The following PUDP variants were observed in gnomAD, a reference collection of about 807,000 sequenced individuals.
PUDP encodes the protein pseudouridine 5'-phosphatase.
In PUDP, 8 loss-of-function variants were observed where a neutral mutation model predicts 9.4. The observed-to-expected ratio is 0.85, with a 90% CI of 0.50 to 1.53. The LOEUF (loss-of-function observed/expected upper bound fraction) is 1.53. Among genes scored for constraint, PUDP ranks in the 40% most tolerant of loss-of-function variants. The pLI, the probability that PUDP is intolerant of heterozygous loss-of-function variation, is 0.00. For synonymous variants in PUDP, 99 were observed against 80.7 expected (o/e 1.23, Z -1.22); for missense variants, 188 against 189.7 (o/e 0.99, Z 0.05).
chrX:7,117,953 A>G lies in PUDP; in HGVS notation c.62-12115T>C, dbSNP rs191137014. Reference sequence around the variant, plus strand: ...CATCCTGGTGCTCTGTAGGCACACAAGCCACACGCCTTAGTGGCTTGCTTT... The same window carrying G: ...CATCCTGGTGCTCTGTAGGCACACAGGCCACACGCCTTAGTGGCTTGCTTT... On this transcript the variant is annotated intron_variant, in intron 1 of 3. Transcript: ENST00000381077. 4.8e-3 allele frequency among the ~76,000 whole-genome samples: 544 copies of G among 113,298 alleles called. 6 individuals are homozygous for G. The highest frequency in any genetic ancestry group is 0.016 in the African/African-American group (508 of 31,245).
At chrX:6,900,853 C>T (rs1389762149) in intron 3 of PUDP, among the ~76,000 whole-genome samples, 2 of 109,356 alleles carry the variant, frequency 1.8e-5, no homozygotes, top group East Asian at 5.7e-4. Context: ...TCTCAGCTCA[C>T]TGCAACTTCT....
intron 3 of PUDP, among the ~76,000 whole-genome samples, chrX:7,067,955 C>T (rs974689908): frequency 9.0e-6 from 1 of 111,502 alleles, no homozygotes; most frequent in Non-Finnish European, 1.9e-5. Context: ...TTGCCCACTG[C>T]CATCCATGTA....
chrX:7,088,688 T>A (rs1219512703), intron 2 of PUDP, among the ~76,000 whole-genome samples: 4 of 112,376 alleles, frequency 3.6e-5, no homozygotes, highest in Middle Eastern at 4.6e-3. Flanking sequence ...TGTTCCAGAT[T>A]TGCCACTGTA....
At chrX:6,750,450 C>T (rs892373619) in intron 3 of PUDP, among the ~76,000 whole-genome samples, 1 of 110,522 alleles carries the variant, frequency 9.0e-6, no homozygotes, top group Admixed American at 9.7e-5. Flanking sequence ...AGAGAGTAAA[C>T]CCCTGAAGAG....
chrX:6,866,592 T>C (rs759064453), intron 3 of PUDP, among the ~76,000 whole-genome samples: 2 of 111,319 alleles, frequency 1.8e-5, no homozygotes, highest in South Asian at 7.6e-4. Context: ...CTTAGGAAGA[T>C]GGTGCCTCCT....
intron 3 of PUDP, among the ~76,000 whole-genome samples, chrX:6,921,572 A>G (rs1203969947): frequency 1.8e-5 from 2 of 109,974 alleles, no homozygotes; most frequent in Non-Finnish European, 3.8e-5. Context: ...TGACCTCTGT[A>G]CCTCAATGGT....
At chrX:7,014,940 T>C (rs893961178) in intron 1 of PUDP, among the ~76,000 whole-genome samples, 16 of 111,976 alleles carry the variant, frequency 1.4e-4, no homozygotes, top group Admixed American at 1.9e-4. Flanking sequence ...TGTTTTCTAA[T>C]ATGAAATCAA....
intron 1 of PUDP, among the ~76,000 whole-genome samples, chrX:6,994,342 G>A (rs1227326595): frequency 1.8e-5 from 2 of 112,150 alleles, no homozygotes; most frequent in Non-Finnish European, 3.8e-5. Context: ...AAACCCAGGT[G>A]TTGGAGGCTA....
chrX:6,723,770 G>A (rs1313495811), upstream of PUDP, among the ~76,000 whole-genome samples: 1 of 111,550 alleles, frequency 9.0e-6, no homozygotes, highest in African/African-American at 3.2e-5. Context: ...CACTACTTGA[G>A]GACAGTGGGT....
At chrX:6,908,690 CT>C (rs60719656) in intron 3 of PUDP, among the ~76,000 whole-genome samples, 3,539 of 111,495 alleles carry the variant, frequency 0.032, 137 homozygotes, top group African/African-American at 0.11. Flanking sequence ...GGTTGGACAC[CT>C]GTAACAGTAA....
At chrX:7,046,203 T>C (rs888947081), downstream of PUDP, among the ~76,000 whole-genome samples, 1 of 112,376 alleles carries the variant, frequency 8.9e-6, no homozygotes. Context: ...TATTTGGAGC[T>C]AGGACCTGTA....
chrX:6,893,898 C>G (rs775206220), intron 3 of PUDP, among the ~76,000 whole-genome samples: 6 of 111,788 alleles, frequency 5.4e-5, no homozygotes, highest in Non-Finnish European at 7.5e-5. Context: ...TACATATACA[C>G]CATGGAATAC....
chrX:7,104,415 G>A (rs1931822151), intron 2 of PUDP, among the ~76,000 whole-genome samples: 2 of 111,979 alleles, frequency 1.8e-5, no homozygotes, highest in Admixed American at 9.5e-5. Context: ...GCGAAATGGG[G>A]ACTTGTTCAA....
At chrX:6,793,227 A>G (rs1188150514) in intron 3 of PUDP, among the ~76,000 whole-genome samples, 1 of 111,896 alleles carries the variant, frequency 8.9e-6, no homozygotes, top group African/African-American at 3.2e-5. Context: ...AGTAGTGACA[A>G]AAATCGCAAT....
At chrX:6,806,989 AACTCCACTACCTACTGG>A (rs1422622790) in intron 3 of PUDP, among the ~76,000 whole-genome samples, 2 of 112,450 alleles carry the variant, frequency 1.8e-5, no homozygotes, top group Admixed American at 9.4e-5. Context: ...AGGTGGAGGA[AACTCCACTACCTACTGG>A]ACAGGTGGAG....
intron 3 of PUDP, among the ~76,000 whole-genome samples, chrX:6,946,628 C>G (rs781129442): frequency 2.7e-5 from 3 of 112,109 alleles, no homozygotes; most frequent in Non-Finnish European, 5.6e-5. Context: ...GTGGAAAGCT[C>G]TCAAATGGAG....
At chrX:6,987,129 C>T (rs1321127518) in intron 1 of PUDP, among the ~76,000 whole-genome samples, 2 of 111,894 alleles carry the variant, frequency 1.8e-5, no homozygotes, top group Admixed American at 1.9e-4. Context: ...GTGAGCTTCA[C>T]GTAGGTGGGA....
intron 1 of PUDP, among the ~76,000 whole-genome samples, chrX:7,112,769 CT>C (rs1291071184): frequency 1.8e-5 from 2 of 111,398 alleles, no homozygotes; most frequent in Non-Finnish European, 3.8e-5. Context: ...TCAAGTGATC[CT>C]CCCGCCTCAG....
chrX:7,091,497 C>A (rs1403234920), intron 2 of PUDP, among the ~76,000 whole-genome samples: 1 of 111,608 alleles, frequency 9.0e-6, no homozygotes. Flanking sequence ...CGCCACCATG[C>A]CCAGCTAATT....
Sources: gnomAD v4.1 joint callset for allele counts (sites outside exome capture counted in the v4.1 genomes callset) on GRCh38, gnomAD v4.1.1 for gene constraint, MANE v1.5 for transcripts, NCBI Gene and HGNC (gene_info 2026-07-23, HGNC 2026-07-21) for gene names.